MYRIP: variants seen among roughly 807,000 people sequenced by gnomAD.
The protein encoded by MYRIP is myosin VIIA and Rab interacting protein.
Under a neutral mutation model 98.0 loss-of-function variants are expected in MYRIP, and 49 were observed. That is an observed-to-expected ratio of 0.50 (90% CI 0.40 to 0.63). MYRIP has a LOEUF of 0.63. Ranked by LOEUF, MYRIP falls within the 30% of genes least tolerant of loss-of-function variation. MYRIP has a pLI of 0.00. For synonymous variants in MYRIP, 404 were observed against 409.5 expected (o/e 0.99, Z 0.16); for missense variants, 1,004 against 1,058.2 (o/e 0.95, Z 0.71).
In MYRIP at chr3:40,151,369, T is replaced by G. The variant is rs568324825; in HGVS notation, c.469+185T>G. 9.2e-4 allele frequency among the ~76,000 whole-genome samples: 140 copies of G among 152,340 alleles called. 3 individuals are homozygous for G. In the South Asian group the frequency reaches 0.027, roughly 30 times the overall value. On this transcript the variant is annotated intron_variant, in intron 4 of 16. Transcript: ENST00000302541. Reference sequence around the variant, plus strand: ...AGATTCTGCTAAGTTGTGACTCTTTTGGTTCCAGCGTCCCCACTGGGCTAG... The same window carrying G: ...AGATTCTGCTAAGTTGTGACTCTTTGGGTTCCAGCGTCCCCACTGGGCTAG...
At chr3:40,255,572 T>TA (rs1953556732) in intron 16 of MYRIP, among the ~76,000 whole-genome samples, 2 of 152,178 alleles carry the variant, frequency 1.3e-5, no homozygotes, top group South Asian at 4.1e-4. Flanking sequence ...CAGAAATAAT[T>TA]ACTTTCAAAG....
At chr3:39,926,726 T>C (rs556019096) in intron 2 of MYRIP, among the ~76,000 whole-genome samples, 5 of 152,272 alleles carry the variant, frequency 3.3e-5, no homozygotes, top group African/African-American at 1.2e-4. Context: ...TGTGCTGTTT[T>C]GGTTATTGTA....
At chr3:40,156,500 T>G (rs1950241490) in intron 4 of MYRIP, among the ~76,000 whole-genome samples, 2 of 152,168 alleles carry the variant, frequency 1.3e-5, no homozygotes, top group Admixed American at 1.3e-4. Context: ...CCATATGAAC[T>G]TTAAAGTAGT....
chr3:40,191,229 C>T (rs570892864), intron 10 of MYRIP, among the ~76,000 whole-genome samples: 1 of 152,264 alleles, frequency 6.6e-6, no homozygotes, highest in Admixed American at 6.5e-5. Flanking sequence ...CACACATGCA[C>T]AAACATACTC....
At chr3:40,031,942 C>A (rs942845649) in intron 2 of MYRIP, among the ~76,000 whole-genome samples, 1 of 152,026 alleles carries the variant, frequency 6.6e-6, no homozygotes. Flanking sequence ...AAAACCAGCT[C>A]CTGGATTCAT....
intron 2 of MYRIP, among the ~76,000 whole-genome samples, chr3:39,934,363 G>C (rs776698190): frequency 1.3e-5 from 2 of 152,042 alleles, no homozygotes; most frequent in Non-Finnish European, 2.9e-5. Flanking sequence ...TCTTTAGTGA[G>C]GACCCAAGAT....
intron 3 of MYRIP, among the ~76,000 whole-genome samples, chr3:40,047,946 G>C (rs939481382): frequency 2.6e-5 from 4 of 152,122 alleles, no homozygotes; most frequent in Non-Finnish European, 5.9e-5. Context: ...CACATTTAAG[G>C]ATTACGTGAC....
chr3:39,882,671 A>G (rs1481510680), intron 1 of MYRIP, among the ~76,000 whole-genome samples: 1 of 152,070 alleles, frequency 6.6e-6, no homozygotes, highest in Admixed American at 6.6e-5. Flanking sequence ...CTTCTTTGTA[A>G]AAGAACGTTA....
intron 2 of MYRIP, among the ~76,000 whole-genome samples, chr3:39,996,876 A>C (rs1473848879): frequency 1.3e-5 from 2 of 152,212 alleles, no homozygotes; most frequent in Non-Finnish European, 2.9e-5. Context: ...AGGATTAAGA[A>C]ACTCACTCAA....
intron 1 of MYRIP, among the ~76,000 whole-genome samples, chr3:39,859,577 C>T (rs1237644949): frequency 6.6e-6 from 1 of 152,102 alleles, no homozygotes; most frequent in Non-Finnish European, 1.5e-5. Flanking sequence ...ACAAGAAAAT[C>T]GCAGAAGAAT....
At chr3:39,909,265 C>T (rs568345041) in intron 2 of MYRIP, among the ~76,000 whole-genome samples, 1 of 152,276 alleles carries the variant, frequency 6.6e-6, no homozygotes, top group Admixed American at 6.5e-5. Context: ...GAAGGTATCT[C>T]ACAAGATTAT....
At chr3:40,002,657 G>A (rs756475456) in intron 2 of MYRIP, among the ~76,000 whole-genome samples, 11 of 152,112 alleles carry the variant, frequency 7.2e-5, no homozygotes, top group Non-Finnish European at 1.3e-4. Context: ...GCAGAGCTGA[G>A]ATCAGATGAG....
At chr3:40,020,648 A>G (rs1267745236) in intron 2 of MYRIP, among the ~76,000 whole-genome samples, 2 of 152,252 alleles carry the variant, frequency 1.3e-5, no homozygotes, top group African/African-American at 4.8e-5. Flanking sequence ...GGTACAGAAT[A>G]TCAGTTGCAA....
At chr3:39,959,272 C>A (rs1179579298) in intron 2 of MYRIP, among the ~76,000 whole-genome samples, 1 of 152,126 alleles carries the variant, frequency 6.6e-6, no homozygotes, top group Non-Finnish European at 1.5e-5. Context: ...TGGAACCAAC[C>A]CAAATGTCCA....
In MYRIP at chr3:39,967,157, A is replaced by G. The variant is rs144013936; in HGVS notation, c.110+66231A>G. 2.9e-3 allele frequency among the ~76,000 whole-genome samples: 435 copies of G among 152,246 alleles called. 1 individual carries two copies. Among genetic ancestry groups the G allele is most frequent in the Non-Finnish European group, 5.0e-3 (338 of 68,010 alleles). ...TTTGGCGTATATGTGAAAGTTTGTC[A>G]TGGGAGTTTGTTGTAGAGATTATAT... On this transcript the variant is annotated intron_variant, in intron 2 of 16. Transcript: ENST00000302541.
At chr3:40,185,805 C>A (rs1028853447) in intron 9 of MYRIP, among the ~76,000 whole-genome samples, 1 of 152,078 alleles carries the variant, frequency 6.6e-6, no homozygotes. Flanking sequence ...AGGGTCGCCT[C>A]CTTTGGATTC....
At chr3:39,972,183 T>G (rs1269695857) in intron 2 of MYRIP, among the ~76,000 whole-genome samples, 1 of 152,046 alleles carries the variant, frequency 6.6e-6, no homozygotes, top group East Asian at 1.9e-4. Context: ...CACAAAGACA[T>G]TCTGGAATAA....
Position 40,227,082 on chromosome 3 carries a change from G to A in MYRIP, c.1906-6777G>A, listed in dbSNP as rs1205294179. 1.1e-4 allele frequency among the ~76,000 whole-genome samples: 17 copies of A among 152,208 alleles called. No homozygotes were observed. In the East Asian group the frequency reaches 3.3e-3, roughly 29 times the overall value. On this transcript the variant is annotated intron_variant, in intron 11 of 16. Transcript: ENST00000302541. ...GGACAGATCTTACCTTCTGCTACCT[G>A]CTGTTGTCTCCTGACTGCTTCCCCC...
intron 1 of MYRIP, among the ~76,000 whole-genome samples, chr3:39,841,982 A>G (rs542631051): frequency 1.3e-5 from 2 of 152,306 alleles, no homozygotes; most frequent in Admixed American, 1.3e-4. Context: ...GAGCTTGAGC[A>G]CTATGCTGGG....
Sources: gnomAD v4.1 joint callset for allele counts (sites outside exome capture counted in the v4.1 genomes callset) on GRCh38, gnomAD v4.1.1 for gene constraint, MANE v1.5 for transcripts, NCBI Gene and HGNC (gene_info 2026-07-23, HGNC 2026-07-21) for gene names.